MARS1: variants seen among roughly 807,000 people sequenced by gnomAD.
The protein encoded by MARS1 is methionine--tRNA ligase, cytoplasmic.
MARS1 carries 80 observed loss-of-function variants against 119.5 expected under a neutral mutation model. The observed-to-expected ratio is 0.67, with a 90% confidence interval of 0.56 to 0.81. The LOEUF (loss-of-function observed/expected upper bound fraction) is 0.81, where lower values mean the gene tolerates loss of function less well. Ranked by LOEUF, MARS1 falls within the 30% of genes least tolerant of loss-of-function variation. MARS1 has a pLI of 0.00. For missense variants in MARS1, 945 were observed against 1,116.5 expected (o/e 0.85, Z 2.19); for synonymous variants, 418 against 433.4 (o/e 0.96, Z 0.44).
At chr12:57,498,885 C>T (rs1327325362) in intron 9 of MARS1, among the ~76,000 whole-genome samples, 6 of 152,158 alleles carry the variant, frequency 3.9e-5, no homozygotes, top group Non-Finnish European at 8.8e-5. Flanking sequence ...CCTCTAGTGC[C>T]TCCCTTCCTC....
chr12:57,511,576 C>G, intron 11 of MARS1, 122 bp from the exon 12 acceptor site: 2 of 944,140 alleles, frequency 2.1e-6, no homozygotes, highest in South Asian at 3.1e-5. Context: ...GAGCAAGACT[C>G]TGTCTCCAAA....
chr12:57,509,307 C>A (rs542097977), intron 11 of MARS1, among the ~76,000 whole-genome samples: 1 of 152,304 alleles, frequency 6.6e-6, no homozygotes, highest in Non-Finnish European at 1.5e-5. Flanking sequence ...TAGTAGGGAA[C>A]AGTATTAGAT....
chr12:57,507,489 C>T (rs1317790257), intron 11 of MARS1, among the ~76,000 whole-genome samples: 1 of 77,228 alleles, frequency 1.3e-5, no homozygotes, highest in African/African-American at 4.4e-5. Context: ...GGCTGACCCC[C>T]CCCCCACCTC....
chr12:57,505,995 G>A (rs538875332), intron 11 of MARS1, among the ~76,000 whole-genome samples: 17 of 152,008 alleles, frequency 1.1e-4, no homozygotes, highest in East Asian at 9.7e-4. Context: ...TGGCTCACGC[G>A]TTAATCCTAA....
intron 11 of MARS1, among the ~76,000 whole-genome samples, chr12:57,506,656 T>C (rs923470231): frequency 6.6e-6 from 1 of 152,174 alleles, no homozygotes; most frequent in South Asian, 2.1e-4. Context: ...TTGCAACTTA[T>C]GAGCAGTCTG....
In MARS1 at chr12:57,489,453, A is replaced by G; in HGVS notation, c.309A>G (p.Leu103=). 2 of 1,614,108 alleles carry G rather than the reference A, an allele frequency of 1.2e-6. No homozygotes were observed. The highest frequency in any genetic ancestry group is 1.7e-6 in the Non-Finnish European group (2 of 1,180,024). Reference sequence around the variant, plus strand: ...CTTTGTCTGCTGCCCTGTACTATTTAGTGGTCCAAGGCAAGAAGGGGGAAG... The same window carrying G: ...CTTTGTCTGCTGCCCTGTACTATTTGGTGGTCCAAGGCAAGAAGGGGGAAG... ...QPALSAALYY[L]VVQGKKGEDV... The change falls in exon 4 of 21, where the codon TTA becomes TTG. Residue 103 remains leucine, a synonymous_variant. Transcript: ENST00000262027.
chr12:57,493,687 T>C (rs796655821), intron 7 of MARS1, among the ~76,000 whole-genome samples: 1 of 20,522 alleles, frequency 4.9e-5, no homozygotes, highest in African/African-American at 4.0e-4. Flanking sequence ...TTATATATAA[T>C]ATATATTATA....
In MARS1 at chr12:57,490,662, A is replaced by C. The variant is rs531543513; in HGVS notation, c.770+18A>C. The C allele has an allele frequency of 6.2e-7, 1 of 1,607,140 alleles. No individual in the cohort carries two copies. Among genetic ancestry groups the C allele is most frequent in the African/African-American group, 1.3e-5 (1 of 74,786 alleles). ...AATCCAGTGTGAGTAGACATGGCAC[A>C]TGTGAGTGGGGCTTGATTTTGTAGT... On this transcript the variant is annotated intron_variant, in intron 7 of 20. Transcript: ENST00000262027.
Position 57,515,014 on chromosome 12 carries a change from G to A in MARS1, c.2160G>A (p.Gln720=). Residue 720 remains glutamine (Q), a synonymous_variant, in exon 17 of 21, where the codon CAG becomes CAA. Coordinates refer to ENST00000262027, the MANE Select transcript of MARS1 (RefSeq NM_004990.4). ...TISRHGNQYI[Q]VNEPWKRIKG... Reference sequence around the variant, plus strand: ...CTCGACATGGCAACCAATATATTCAGGTGAATGAGCCCTGGAAGCGGATTA... The same window carrying A: ...CTCGACATGGCAACCAATATATTCAAGTGAATGAGCCCTGGAAGCGGATTA... 1 of 1,614,176 alleles carries A rather than the reference G, an allele frequency of 6.2e-7. No individual in the cohort carries two copies. Among genetic ancestry groups the A allele is most frequent in the East Asian group, 2.2e-5 (1 of 44,880 alleles).
intron 7 of MARS1, among the ~76,000 whole-genome samples, chr12:57,495,369 C>A (rs1017025960): frequency 1.3e-5 from 2 of 151,058 alleles, no homozygotes; most frequent in African/African-American, 4.9e-5. Flanking sequence ...GACGGGGTCG[C>A]GGCCGGGCAG....
chr12:57,516,256 C>T lies in MARS1; in HGVS notation c.2475C>T (p.Ser825=), dbSNP rs767087843. ...TTGTTGTTCTCCAGGCAAAAACGTC[C>T]CCGAAGCCAGCAGTTGTAGAGACTG... The part of the protein sequence containing the change: ...QRFGGGQAKT[S]PKPAVVETVT... The change falls in exon 20 of 21, where the codon TCC becomes TCT. Residue 825 remains serine, a synonymous_variant. Transcript: ENST00000262027. 7 of 1,614,148 alleles carry T rather than the reference C, an allele frequency of 4.3e-6. No individual in the cohort carries two copies. In the South Asian group the frequency reaches 4.4e-5, roughly 10 times the overall value.
In MARS1 at chr12:57,498,178, G is replaced by A. The variant is rs141609469; in HGVS notation, c.792G>A (p.Arg264=). The A allele has an allele frequency of 5.1e-4, 831 of 1,613,936 alleles. 2 individuals are homozygous for A. Among genetic ancestry groups the A allele is most frequent in the South Asian group, 1.3e-3 (116 of 91,084 alleles). Residue 264 remains arginine (R), a synonymous_variant, in exon 8 of 21, where the codon AGG becomes AGA. Coordinates refer to ENST00000262027, the MANE Select transcript of MARS1 (RefSeq NM_004990.4). ...CTAGGTTGCCTGTGGCTGGAGAAAG[G>A]AATGTGCTCATCACCAGTGCCCTCC... ...QNPVLPVAGE[R]NVLITSALPY... is the part of the protein sequence containing the mutation.
intron 7 of MARS1, among the ~76,000 whole-genome samples, chr12:57,493,064 A>T (rs1440693114): frequency 1.3e-5 from 2 of 151,338 alleles, no homozygotes; most frequent in Non-Finnish European, 2.9e-5. Flanking sequence ...TTCTCTATAG[A>T]GTGTGAGACA....
At chr12:57,514,359 A>G (rs974390444) in intron 15 of MARS1, among the ~76,000 whole-genome samples, 5 of 151,986 alleles carry the variant, frequency 3.3e-5, no homozygotes, top group Middle Eastern at 3.2e-3. Context: ...AGGTTTCACC[A>G]TGGCCAGGCC....
intron 14 of MARS1, 106 bp from the exon 15 acceptor site, chr12:57,512,645 C>T (rs1366936161): frequency 2.2e-6 from 2 of 913,692 alleles, no homozygotes; most frequent in Non-Finnish European, 3.5e-6. Context: ...TGTTGCTAGA[C>T]ACCCATAGTT....
At chr12:57,511,548 A>C in intron 11 of MARS1, 150 bp from the exon 12 acceptor site, 4 of 712,262 alleles carry the variant, frequency 5.6e-6, no homozygotes, top group Non-Finnish European at 9.4e-6. Context: ...GCACCACTGC[A>C]CTCTAGTCTG....
chr12:57,506,745 C>G (rs1179452353), intron 11 of MARS1, among the ~76,000 whole-genome samples: 1 of 148,640 alleles, frequency 6.7e-6, no homozygotes, highest in African/African-American at 2.5e-5. Context: ...GTTGTGATTT[C>G]AGCTCACTGC....
At chr12:57,489,730 T>C in intron 4 of MARS1, 166 bp from the exon 5 acceptor site, 1 of 1,067,184 alleles carries the variant, frequency 9.4e-7, no homozygotes, top group Non-Finnish European at 1.4e-6. Context: ...AATGGGATAA[T>C]ATTAGTACCT....
rs200591960 is a variant in MARS1, at chr12:57,504,140, G to C, written c.1294-85G>C. The stretch of plus-strand genomic sequence containing the variant: ...GCTAAACTAGATGGCAGACTGAGGA[G>C]CTAATCCTTCTCTGCTCCTCCCCTT... On this transcript the variant is annotated intron_variant, in intron 10 of 20. Coordinates refer to ENST00000262027, the MANE Select transcript of MARS1 (RefSeq NM_004990.4). The C allele has an allele frequency of 3.4e-6, 3 of 890,582 alleles. No individual in the cohort carries two copies. The East Asian group carries it at 7.2e-5, about 21-fold the overall frequency. The allele number at this position is 890,582 out of a possible 1,614,324, so 55.2% of individuals were successfully genotyped here.
Sources: allele counts gnomAD v4.1 joint callset (sites outside exome capture counted in the v4.1 genomes callset), GRCh38; gene constraint gnomAD v4.1.1; transcripts MANE v1.5; gene names NCBI Gene and HGNC (gene_info 2026-07-23, HGNC 2026-07-21).